Variants in SHISA9 observed in about 807,000 individuals in gnomAD.
SHISA9 encodes protein shisa-9.
A neutral mutation model predicts 38.0 loss-of-function variants in SHISA9; 13 were observed. The observed-to-expected ratio is 0.34, with a 90% CI of 0.22 to 0.54. The LOEUF (loss-of-function observed/expected upper bound fraction) is 0.54, where lower values mean the gene tolerates loss of function less well. Ranked by LOEUF, SHISA9 falls within the 20% of genes least tolerant of loss-of-function variation. SHISA9 has a pLI of 0.91. For missense variants in SHISA9, 538 were observed against 575.8 expected, an observed-to-expected ratio of 0.93 and a Z score of 0.67; for synonymous variants, 275 against 242.0, an observed-to-expected ratio of 1.14 and a Z score of -1.27.
chr16:13,468,695 C>T, the SHISA9 span, among the ~76,000 whole-genome samples: 4 of 152,046 alleles, frequency 2.6e-5, no homozygotes, highest in Non-Finnish European at 4.4e-5. Flanking sequence ...CAGAAAGAAG[C>T]GTCCAGGTGT....
At chr16:13,366,258 A>G in the SHISA9 span, among the ~76,000 whole-genome samples, 1 of 152,250 alleles carries the variant, frequency 6.6e-6, no homozygotes, top group Non-Finnish European at 1.5e-5. Context: ...TGGAACATTT[A>G]GGCTTTGGTC....
At position 12,908,357 on chromosome 16, in the gene SHISA9, G is replaced by A. The variant is rs534334572; in HGVS notation, c.563+5730G>A. 41 of 1,464,624 alleles carry A rather than the reference G, an allele frequency of 2.8e-5. No homozygotes were observed. In the South Asian group the frequency reaches 3.8e-4, roughly 14 times the overall value. 90.7% of individuals were successfully genotyped at this position (1,464,624 alleles called of 1,614,324 possible). A position where few individuals can be genotyped will look rare whatever the true frequency, so the allele number is the denominator to read the frequency against. ...GGAGGGAGGGTCTATATGTGACTACGTTAAATACATTGCAAAGTGTTGGCC... is the reference window on the plus strand; with the variant it reads ...GGAGGGAGGGTCTATATGTGACTACATTAAATACATTGCAAAGTGTTGGCC... On this transcript the variant is annotated intron_variant, in intron 1 of 4. Transcript: ENST00000558583.
intron 2 of SHISA9, among the ~76,000 whole-genome samples, chr16:13,070,546 G>C (rs1273813799): frequency 6.6e-6 from 1 of 152,192 alleles, no homozygotes; most frequent in Non-Finnish European, 1.5e-5. Context: ...GCCTGGGAAG[G>C]AATTCCTGTC....
chr16:12,987,652 C>T (rs1003312605), intron 2 of SHISA9, among the ~76,000 whole-genome samples: 4 of 152,224 alleles, frequency 2.6e-5, no homozygotes, highest in African/African-American at 9.6e-5. Context: ...GGGCTTAATA[C>T]CTAGGGCTGA....
chr16:13,281,364 T>C, the SHISA9 span, among the ~76,000 whole-genome samples: 1 of 151,920 alleles, frequency 6.6e-6, no homozygotes, highest in African/African-American at 2.4e-5. Flanking sequence ...GCATAGTATA[T>C]CTTTTTTCGA....
chr16:13,020,913 G>A (rs974852579), intron 2 of SHISA9, among the ~76,000 whole-genome samples: 1 of 152,188 alleles, frequency 6.6e-6, no homozygotes, highest in East Asian at 1.9e-4. Context: ...GGCCCTGCTG[G>A]ATTCTTAGCT....
At chr16:13,219,776 G>A (rs1428828565) in intron 4 of SHISA9, among the ~76,000 whole-genome samples, 1 of 152,096 alleles carries the variant, frequency 6.6e-6, no homozygotes, top group Admixed American at 6.6e-5. Context: ...GGCCAACAGA[G>A]ATGGTGAAAT....
At chr16:12,982,399 C>G (rs554541924) in intron 2 of SHISA9, among the ~76,000 whole-genome samples, 1 of 152,348 alleles carries the variant, frequency 6.6e-6, no homozygotes, top group East Asian at 1.9e-4. Context: ...TTCTGTTGGA[C>G]AGCACTACAC....
the SHISA9 span, among the ~76,000 whole-genome samples, chr16:13,487,439 C>T: frequency 2.0e-5 from 3 of 152,186 alleles, no homozygotes; most frequent in South Asian, 2.1e-4. Flanking sequence ...AGTTGTCTCA[C>T]GTGGTGGGAG....
At chr16:13,273,938 G>A in the SHISA9 span, among the ~76,000 whole-genome samples, 1 of 152,060 alleles carries the variant, frequency 6.6e-6, no homozygotes, top group Non-Finnish European at 1.5e-5. Context: ...GAGTTGGTAG[G>A]AACTGAAAAT....
chr16:13,274,640 AAAG>A, the SHISA9 span, among the ~76,000 whole-genome samples: 5 of 152,130 alleles, frequency 3.3e-5, no homozygotes, highest in African/African-American at 1.2e-4. Flanking sequence ...GCTGACCCTG[AAAG>A]AAGGAGGGAA....
chr16:13,500,672 C>G, the SHISA9 span, among the ~76,000 whole-genome samples: 1 of 151,700 alleles, frequency 6.6e-6, no homozygotes, highest in African/African-American at 2.4e-5. Flanking sequence ...AGACCAGAGA[C>G]AAAAAGACAG....
intron 3 of SHISA9, among the ~76,000 whole-genome samples, chr16:13,211,984 C>T (rs6498398): frequency 0.27 from 40,865 of 152,048 alleles, 6,286 homozygotes; most frequent in African/African-American, 0.42. Flanking sequence ...TCACTCTTCT[C>T]TCTTCTGTTG....
In SHISA9 at chr16:12,975,664, G is replaced by T. The variant is rs558512741; in HGVS notation, c.691+58849G>T. Among the ~76,000 whole-genome samples the T allele has an allele frequency of 1.2e-4, 17 of 139,946 alleles. 1 individual carries two copies. In the South Asian group the frequency reaches 4.1e-3, roughly 34 times the overall value. 91.8% of individuals were successfully genotyped at this position (139,946 alleles called of 152,430 possible). ...GTGGGGTGGGACGGGGGCGGGGGGGGTAAGGGCATGTCACTATGAATAGGC... is the reference window on the plus strand; with the variant it reads ...GTGGGGTGGGACGGGGGCGGGGGGGTTAAGGGCATGTCACTATGAATAGGC... On this transcript the variant is annotated intron_variant, in intron 2 of 4. Coordinates refer to ENST00000558583, the MANE Select transcript of SHISA9 (RefSeq NM_001145204.3).
At chr16:12,975,656 C>CA (rs746283484) in intron 2 of SHISA9, among the ~76,000 whole-genome samples, 3 of 109,496 alleles carry the variant, frequency 2.7e-5, no homozygotes, top group Non-Finnish European at 1.9e-5. Context: ...GGGACGGGGG[C>CA]GGGGGGGGTA....
intron 2 of SHISA9, among the ~76,000 whole-genome samples, chr16:13,202,245 T>C (rs1363756059): frequency 7.7e-6 from 1 of 130,238 alleles, no homozygotes; most frequent in Non-Finnish European, 1.7e-5. Flanking sequence ...GGGCAATTCC[T>C]TCCGTTGCTG....
At chr16:13,281,033 T>A in the SHISA9 span, among the ~76,000 whole-genome samples, 94 of 151,988 alleles carry the variant, frequency 6.2e-4, no homozygotes, top group African/African-American at 2.2e-3. Flanking sequence ...AAATTACTTT[T>A]AATATGCCAT....
chr16:13,075,029 C>G (rs1476039956), intron 2 of SHISA9, among the ~76,000 whole-genome samples: 1 of 152,160 alleles, frequency 6.6e-6, no homozygotes, highest in Non-Finnish European at 1.5e-5. Flanking sequence ...CAAAGTGAAC[C>G]AGTTTATGGT....
intron 2 of SHISA9, among the ~76,000 whole-genome samples, chr16:12,940,157 T>G (rs1336116004): frequency 6.6e-6 from 1 of 152,212 alleles, no homozygotes; most frequent in East Asian, 1.9e-4. Flanking sequence ...TGCCTGCTTG[T>G]GGTTCCATCA....
Sources: gnomAD v4.1 joint callset for allele counts (sites outside exome capture counted in the v4.1 genomes callset) on GRCh38, gnomAD v4.1.1 for gene constraint, MANE v1.5 for transcripts, NCBI Gene and HGNC (gene_info 2026-07-23, HGNC 2026-07-21) for gene names.